Variants in SLC34A2 observed in about 807,000 individuals in gnomAD.
SLC34A2 encodes solute carrier family 34 member 2, also known as sodium-dependent phosphate transport protein 2B.
In SLC34A2, 41 loss-of-function variants were observed where a neutral mutation model predicts 50.8. The observed-to-expected ratio is 0.81, with a 90% CI of 0.63 to 1.05. The LOEUF is 1.05. Among genes scored for constraint, SLC34A2 ranks in the 50% least tolerant of loss-of-function variants. The pLI is 0.00. For synonymous variants in SLC34A2, 401 were observed against 364.2 expected (o/e 1.10, Z -1.15); for missense variants, 879 against 876.7 (o/e 1.00, Z -0.03).
At chr4:25,674,708 C>A in intron 12 of SLC34A2, 79 bp downstream of exon 12, 1 of 1,580,648 alleles carries the variant, frequency 6.3e-7, no homozygotes, top group Non-Finnish European at 8.7e-7. Context: ...CTAACAAGAG[C>A]CAGGCTTTTC....
chr4:25,676,691 G>C lies in SLC34A2; in HGVS notation c.2015G>C (p.Arg672Thr), dbSNP rs1484381895. ...PETFDNITISREAQGEVPASD... is the reference protein window; with the variant it reads ...PETFDNITISTEAQGEVPASD... The stretch of plus-strand genomic sequence containing the variant: ...ACCTTTGATAACATAACCATTAGCA[G>C]AGAGGCTCAGGGTGAGGTCCCTGCC... The change falls in exon 13 of 13, where the codon AGA becomes ACA. Residue 672 changes from arginine to threonine, a missense_variant. Arg to Thr is a moderately conservative substitution (Grantham distance 71). Coordinates refer to ENST00000382051, the MANE Select transcript of SLC34A2 (RefSeq NM_006424.3). The C allele has an allele frequency of 6.2e-7, 1 of 1,614,232 alleles. No individual in the cohort carries two copies. The highest frequency in any genetic ancestry group is 2.2e-5 in the East Asian group (1 of 44,886).
Position 25,664,260 on chromosome 4 carries a change from A to C in SLC34A2, c.309A>C (p.Leu103Phe), listed in dbSNP as rs1335275175. 1 of 1,602,298 alleles carries C rather than the reference A, an allele frequency of 6.2e-7. No individual in the cohort carries two copies. Among genetic ancestry groups the C allele is most frequent in the Non-Finnish European group, 8.5e-7 (1 of 1,173,946 alleles). ...CFFQGIGRLILLLGFLYFFVC... is the reference protein window; with the variant it reads ...CFFQGIGRLIFLLGFLYFFVC... ...TCCAAGGGATTGGGAGATTGATTTT[A>C]CTTCTCGGATTTCTCTACTTTTTCG... is the stretch of plus-strand genomic sequence containing the variant. The change falls in exon 4 of 13, where the codon TTA (leucine) becomes TTC (phenylalanine). Residue 103 changes from leucine to phenylalanine, a missense_variant. Physicochemically the swap from Leu to Phe is conservative, Grantham distance 22. Transcript: ENST00000382051.
intron 1 of SLC34A2, among the ~76,000 whole-genome samples, chr4:25,659,751 T>G (rs1714081634): frequency 1.3e-5 from 2 of 152,324 alleles, no homozygotes; most frequent in South Asian, 4.1e-4. Context: ...CAGCCCTCCC[T>G]CACTGTGATT....
chr4:25,678,686 A>AT lies in SLC34A2; in HGVS notation c.*1937_*1938insT. ...GTGAGCCACCACCAGGCCTGATTGT[A>AT]ATTTTTTTTTTTTTTTTTTTACTGG... On this transcript the variant is annotated 3_prime_UTR_variant, in exon 13 of 13. Transcript: ENST00000382051. 2 of 408,736 alleles carry AT rather than the reference A, an allele frequency of 4.9e-6. No individual in the cohort carries two copies. Among genetic ancestry groups the AT allele is most frequent in the Non-Finnish European group, 4.4e-6 (1 of 228,376 alleles). The allele number at this position is 408,736 out of a possible 1,614,324, so 25.3% of individuals were successfully genotyped here.
At chr4:25,657,902 G>C (rs1039829877) in intron 1 of SLC34A2, among the ~76,000 whole-genome samples, 2 of 152,178 alleles carry the variant, frequency 1.3e-5, no homozygotes, top group Admixed American at 1.3e-4. Flanking sequence ...CTATAGGGGT[G>C]ATTATTTTTC....
At position 25,664,407 on chromosome 4, in the gene SLC34A2, A is replaced by G. The variant is rs557621579; in HGVS notation, c.379+77A>G. Reference sequence around the variant, plus strand: ...GTGGTTCCGAGAGTAAAACTCAGCAAGCCCTCTCCAGCTGCAGCCTCCTGG... The same window carrying G: ...GTGGTTCCGAGAGTAAAACTCAGCAGGCCCTCTCCAGCTGCAGCCTCCTGG... On this transcript the variant is annotated intron_variant, in intron 4 of 12. Transcript: ENST00000382051. The G allele has an allele frequency of 1.3e-5, 19 of 1,504,464 alleles. No individual in the cohort carries two copies. In the East Asian group the frequency reaches 4.3e-4, roughly 34 times the overall value. The allele number at this position is 1,504,464 out of a possible 1,614,324, so 93.2% of individuals were successfully genotyped here. A position where few individuals can be genotyped will look rare whatever the true frequency, so the allele number is the denominator to read the frequency against.
At chr4:25,675,091 A>T (rs905365701) in intron 12 of SLC34A2, among the ~76,000 whole-genome samples, 4 of 152,094 alleles carry the variant, frequency 2.6e-5, no homozygotes, top group African/African-American at 9.7e-5. Flanking sequence ...GAGTGCAGTG[A>T]TACAATCTCC....
intron 1 of SLC34A2, among the ~76,000 whole-genome samples, chr4:25,661,607 C>T (rs1714188437): frequency 6.6e-6 from 1 of 152,098 alleles, no homozygotes; most frequent in Admixed American, 6.6e-5. Flanking sequence ...AGGCTGGTCT[C>T]GAACTTCTGA....
intron 3 of SLC34A2, among the ~76,000 whole-genome samples, chr4:25,663,444 C>T (rs982294868): frequency 6.6e-6 from 1 of 152,140 alleles, no homozygotes; most frequent in Non-Finnish European, 1.5e-5. Context: ...AGAAAAGGCC[C>T]CTCTTCTCAG....
At chr4:25,670,626 G>T (rs898780717) in intron 7 of SLC34A2, 112 bp from the exon 8 acceptor site, 9 of 778,784 alleles carry the variant, frequency 1.2e-5, no homozygotes, top group East Asian at 2.7e-5. Flanking sequence ...CTCTCTGGGG[G>T]CTCACAGTCA....
rs182363698 is a variant in SLC34A2 at position 25,664,185 on chromosome 4, A to G, written c.251-17A>G. 45 of 1,023,722 alleles carry G rather than the reference A, an allele frequency of 4.4e-5. No individual in the cohort carries two copies. The East Asian group carries it at 1.4e-3, about 31-fold the overall frequency. 63.4% of individuals were successfully genotyped at this position (1,023,722 alleles called of 1,614,324 possible). A position where few individuals can be genotyped will look rare whatever the true frequency, so the allele number is the denominator to read the frequency against. On this transcript the variant is annotated splice_polypyrimidine_tract_variant and intron_variant, in intron 3 of 12. Transcript: ENST00000382051. Reference sequence around the variant, plus strand: ...TTCATGCCTTTCTCTCTCTCCCCCCATCCCACCCCCCTGCAGAGAGAGACA... The same window carrying G: ...TTCATGCCTTTCTCTCTCTCCCCCCGTCCCACCCCCCTGCAGAGAGAGACA...
intron 6 of SLC34A2, 77 bp downstream of exon 6, chr4:25,668,068 G>A: frequency 1.1e-6 from 1 of 899,830 alleles, no homozygotes; most frequent in East Asian, 2.5e-5. Context: ...CTTTTAACCA[G>A]CCAAAGATGA....
chr4:25,670,031 T>A (rs1714732098), intron 7 of SLC34A2, among the ~76,000 whole-genome samples, 189 bp downstream of exon 7: 1 of 152,212 alleles, frequency 6.6e-6, no homozygotes. Context: ...GAGACCAGCC[T>A]GGCCAACATG....
Position 25,673,104 on chromosome 4 carries a change from A to G in SLC34A2, c.1066A>G (p.Asn356Asp). Residue 356 changes from asparagine (N) to aspartate (D), a missense_variant, in exon 10 of 13, where the codon AAT becomes GAT. Physicochemically the swap from Asn to Asp is conservative, Grantham distance 23. Coordinates refer to ENST00000382051, the MANE Select transcript of SLC34A2 (RefSeq NM_006424.3). ...NIAKCQHIFV[N>D]FHLPDLAVGT... The stretch of plus-strand genomic sequence containing the variant: ...TCTTTCAGGCCAGCATATCTTTGTG[A>G]ATTTCCACCTCCCGGATCTTGCTGT... 6.2e-7 allele frequency: 1 copy of G among 1,614,098 alleles called. No individual in the cohort carries two copies. Among genetic ancestry groups the G allele is most frequent in the South Asian group, 1.1e-5 (1 of 91,062 alleles).
Position 25,664,862 on chromosome 4 carries a change from T to C in SLC34A2, c.379+532T>C, listed in dbSNP as rs1249440589. 3.0e-5 allele frequency: 7 copies of C among 234,170 alleles called. No individual in the cohort carries two copies. The East Asian group carries it at 3.7e-4, about 12-fold the overall frequency. 14.5% of individuals were successfully genotyped at this position (234,170 alleles called of 1,614,324 possible). ...GTGCTTGGTTCCCTTTGTACCTCAATGGTGATGTCAGAAACAAACAAGCAG... is the reference window on the plus strand; with the variant it reads ...GTGCTTGGTTCCCTTTGTACCTCAACGGTGATGTCAGAAACAAACAAGCAG... On this transcript the variant is annotated intron_variant, in intron 4 of 12. Coordinates refer to ENST00000382051, the MANE Select transcript of SLC34A2 (RefSeq NM_006424.3).
intron 3 of SLC34A2, 38 bp downstream of exon 3, chr4:25,662,880 C>T (rs1358117810): frequency 4.3e-6 from 7 of 1,612,142 alleles, no homozygotes; most frequent in African/African-American, 1.3e-5. Context: ...AGGAGGGAAA[C>T]TTCCTGTGGT....
chr4:25,671,106 G>A (rs1714789649), intron 8 of SLC34A2, among the ~76,000 whole-genome samples: 1 of 152,218 alleles, frequency 6.6e-6, no homozygotes, highest in Non-Finnish European at 1.5e-5. Flanking sequence ...CTTGGAGAAG[G>A]CTTAGCTCTG....
intron 10 of SLC34A2, among the ~76,000 whole-genome samples, chr4:25,673,594 GC>G (rs925023290): frequency 5.3e-5 from 8 of 152,038 alleles, no homozygotes; most frequent in African/African-American, 1.9e-4. Context: ...CCAGGTGTCT[GC>G]CCTCGCCCCC....
chr4:25,673,308 T>A lies in SLC34A2; in HGVS notation c.1216+54T>A. 2.9e-6 allele frequency: 4 copies of A among 1,395,198 alleles called. No homozygotes were observed. The South Asian group carries it at 4.6e-5, about 16-fold the overall frequency. The allele number at this position is 1,395,198 out of a possible 1,614,324, so 86.4% of individuals were successfully genotyped here. On this transcript the variant is annotated intron_variant, in intron 10 of 12. Transcript: ENST00000382051. ...TCACATGTAGTCACTGCATGGGGTG[T>A]GGGGGTCCTTTAGATTCCCATCTAG...
Sources: gnomAD v4.1 joint callset for allele counts (sites outside exome capture counted in the v4.1 genomes callset) on GRCh38, gnomAD v4.1.1 for gene constraint, MANE v1.5 for transcripts, NCBI Gene and HGNC (gene_info 2026-07-23, HGNC 2026-07-21) for gene names.